Variants in TMEM79 observed in about 807,000 individuals in gnomAD.
TMEM79 encodes transmembrane protein 79.
In TMEM79, 30 loss-of-function variants were observed where a neutral mutation model predicts 31.2. That is an observed-to-expected ratio of 0.96 (90% CI 0.72 to 1.30). TMEM79 has a LOEUF of 1.30. Ranked by LOEUF, TMEM79 falls within the 50% of genes most tolerant of loss-of-function variation. TMEM79 has a pLI of 0.00. For synonymous variants in TMEM79, 213 were observed against 229.5 expected, an observed-to-expected ratio of 0.93 and a Z score of 0.65; for missense variants, 509 against 528.2, an observed-to-expected ratio of 0.96 and a Z score of 0.36.
At position 156,291,503 on chromosome 1, in the gene TMEM79, G is replaced by C. The variant is rs142830049; in HGVS notation, c.1090G>C (p.Glu364Gln). 17 of 1,612,244 alleles carry C rather than the reference G, an allele frequency of 1.1e-5. No homozygotes were observed. The East Asian group carries it at 2.2e-4, about 21-fold the overall frequency. The change falls in exon 4 of 4, where the codon GAG (glutamate) becomes CAG (glutamine). Residue 364 changes from glutamate to glutamine, a missense_variant. Glu to Gln is a conservative substitution (Grantham distance 29). Coordinates refer to ENST00000405535, the MANE Select transcript of TMEM79 (RefSeq NM_032323.3). ...GAACCTCTACTACATGTTCGTGGTGGAGCCGGAGCGCATGCTCACTGCCAC... is the reference window on the plus strand; with the variant it reads ...GAACCTCTACTACATGTTCGTGGTGCAGCCGGAGCGCATGCTCACTGCCAC... ...MWNLYYMFVV[E>Q]PERMLTATES...
In TMEM79 at chr1:156,286,489, G is replaced by A. The variant is rs769527529; in HGVS notation, c.971+16G>A. On this transcript the variant is annotated intron_variant, in intron 3 of 3. Transcript: ENST00000405535. Reference sequence around the variant, plus strand: ...CCGTCTCCCGGTAAGTTGGGGCAGAGGGTGGGGCATGGGAGAGGGGATGGT... The same window carrying A: ...CCGTCTCCCGGTAAGTTGGGGCAGAAGGTGGGGCATGGGAGAGGGGATGGT... 6.2e-7 allele frequency: 1 copy of A among 1,613,204 alleles called. No individual in the cohort carries two copies. Among genetic ancestry groups the A allele is most frequent in the Non-Finnish European group, 8.5e-7 (1 of 1,179,222 alleles).
In TMEM79 at chr1:156,291,668, C is replaced by A; in HGVS notation, c.*70C>A. On this transcript the variant is annotated 3_prime_UTR_variant, in exon 4 of 4. Coordinates refer to ENST00000405535, the MANE Select transcript of TMEM79 (RefSeq NM_032323.3). ...CTGACACATCTTTGAACCTTGTGGC[C>A]AGGCCTGGACTTCGCCCCCAGGCCT... The A allele has an allele frequency of 1.4e-6, 2 of 1,475,156 alleles. No individual in the cohort carries two copies. The highest frequency in any genetic ancestry group is 2.3e-5 in the East Asian group (1 of 43,742). The allele number at this position is 1,475,156 out of a possible 1,614,324, so 91.4% of individuals were successfully genotyped here. A position where few individuals can be genotyped will look rare whatever the true frequency, so the allele number is the denominator to read the frequency against.
intron 3 of TMEM79, chr1:156,290,994 G>A (rs1663307113): frequency 4.6e-6 from 1 of 216,586 alleles, no homozygotes; most frequent in African/African-American, 2.3e-5. Context: ...AGTTTGTACA[G>A]CCAGGTGTGG....
rs980681686 is a variant in TMEM79 at position 156,285,184 on chromosome 1, G to C, written c.-43G>C. The C allele has an allele frequency of 6.6e-7, 1 of 1,512,882 alleles. No homozygotes were observed. Among genetic ancestry groups the C allele is most frequent in the African/African-American group, 1.4e-5 (1 of 71,570 alleles). The allele number at this position is 1,512,882 out of a possible 1,614,324, so 93.7% of individuals were successfully genotyped here. On this transcript the variant is annotated splice_region_variant and 5_prime_UTR_variant, in exon 2 of 4. Coordinates refer to ENST00000405535, the MANE Select transcript of TMEM79 (RefSeq NM_032323.3). ...CAGAGCTTTCCTCTGTTCCCTGCAGGATGACATGACCTTGTGGTAGATCCC... is the reference window on the plus strand; with the variant it reads ...CAGAGCTTTCCTCTGTTCCCTGCAGCATGACATGACCTTGTGGTAGATCCC...
At chr1:156,289,244 GC>G (rs1428398406) in intron 3 of TMEM79, among the ~76,000 whole-genome samples, 1 of 152,202 alleles carries the variant, frequency 6.6e-6, no homozygotes, top group Non-Finnish European at 1.5e-5. Context: ...GGAGGCCAAG[GC>G]AGGTGGATCA....
chr1:156,283,202 TCCC>T (rs1553296792), upstream of TMEM79: 1 of 202,666 alleles, frequency 4.9e-6, no homozygotes, highest in Non-Finnish European at 9.8e-6. Context: ...CTTTCCCTTT[TCCC>T]CCATAATTTA....
chr1:156,285,058 C>G (rs890981999), intron 1 of TMEM79, 126 bp from the exon 2 acceptor site: 2 of 671,156 alleles, frequency 3.0e-6, no homozygotes, highest in African/African-American at 3.7e-5. Flanking sequence ...ACCACGTTCT[C>G]CCTAAGGCTC....
chr1:156,286,027 G>A (rs1425518394), intron 2 of TMEM79, 44 bp downstream of exon 2: 1 of 1,570,354 alleles, frequency 6.4e-7, no homozygotes, highest in Non-Finnish European at 8.6e-7. Flanking sequence ...GTGGACTTGA[G>A]GAGGGCAGGG....
chr1:156,286,280 A>G lies in TMEM79; in HGVS notation c.778A>G (p.Ser260Gly), dbSNP rs1265028570. The G allele has an allele frequency of 6.2e-7, 1 of 1,614,150 alleles. No homozygotes were observed. The highest frequency in any genetic ancestry group is 2.2e-5 in the East Asian group (1 of 44,880). The change falls in exon 3 of 4, where the codon AGC becomes GGC. Residue 260 changes from serine to glycine, a missense_variant. Coordinates refer to ENST00000405535, the MANE Select transcript of TMEM79 (RefSeq NM_032323.3). The part of the protein sequence containing the change: ...IVLGILVYGL[S>G]LLCFSALRPF... ...CCCAGGGATCCTGGTGTACGGGCTGAGCCTGTTATGCTTTTCTGCCCTTCG... is the reference window on the plus strand; with the variant it reads ...CCCAGGGATCCTGGTGTACGGGCTGGGCCTGTTATGCTTTTCTGCCCTTCG...
chr1:156,291,729 A>G lies in TMEM79; in HGVS notation c.*131A>G. On this transcript the variant is annotated 3_prime_UTR_variant, in exon 4 of 4. Transcript: ENST00000405535. Reference sequence around the variant, plus strand: ...TGGGTGGAACCCTGCTACTGCCCCAACAGGGACTCCAATCAATCGGAGTTC... The same window carrying G: ...TGGGTGGAACCCTGCTACTGCCCCAGCAGGGACTCCAATCAATCGGAGTTC... 1.3e-6 allele frequency: 1 copy of G among 751,824 alleles called. No individual in the cohort carries two copies. 46.6% of individuals were successfully genotyped at this position (751,824 alleles called of 1,614,324 possible).
chr1:156,290,225 T>C (rs1447386477), intron 3 of TMEM79: 2 of 152,336 alleles, frequency 1.3e-5, no homozygotes, highest in South Asian at 2.1e-4. Context: ...AATAACTTTT[T>C]GCTCATATAT....
Position 156,285,651 on chromosome 1 carries a change from A to C in TMEM79, c.425A>C (p.Gln142Pro), listed in dbSNP as rs766586194. The C allele has an allele frequency of 1.2e-6, 2 of 1,613,842 alleles. No homozygotes were observed. Among genetic ancestry groups the C allele is most frequent in the East Asian group, 4.5e-5 (2 of 44,892 alleles). Reference sequence around the variant, plus strand: ...CTACAGTGCATTGAGCGGCAGCCCCAAGAAGACCTTATCGTGCGCTGTGAG... The same window carrying C: ...CTACAGTGCATTGAGCGGCAGCCCCCAGAAGACCTTATCGTGCGCTGTGAG... ...IDLQCIERQP[Q>P]EDLIVRCEAG... is the part of the protein sequence containing the mutation. The change falls in exon 2 of 4, where the codon CAA becomes CCA. Residue 142 changes from glutamine to proline, a missense_variant. By Grantham distance (76) the Gln-to-Pro change is moderately conservative. Transcript: ENST00000405535.
rs1572611175 is a variant in TMEM79 at position 156,291,322 on chromosome 1, C to T, written c.972-63C>T. 2.9e-5 allele frequency: 43 copies of T among 1,488,504 alleles called. No homozygotes were observed. In the East Asian group the frequency reaches 9.8e-4, roughly 34 times the overall value. The allele number at this position is 1,488,504 out of a possible 1,614,324, so 92.2% of individuals were successfully genotyped here. A position where few individuals can be genotyped will look rare whatever the true frequency, so the allele number is the denominator to read the frequency against. On this transcript the variant is annotated intron_variant, in intron 3 of 3. Transcript: ENST00000405535. ...CCTATCTACTCCCCCCACCGTCAGC[C>T]TATTGCCAATCAGCTGACGCGCTTC...
At position 156,291,474 on chromosome 1, in the gene TMEM79, T is replaced by C. The variant is rs202080325; in HGVS notation, c.1061T>C (p.Met354Thr). 2.5e-6 allele frequency: 4 copies of C among 1,613,546 alleles called. No individual in the cohort carries two copies. The highest frequency in any genetic ancestry group is 3.4e-6 in the Non-Finnish European group (4 of 1,180,038). Residue 354 changes from methionine (M) to threonine (T), a missense_variant, in exon 4 of 4, where the codon ATG (methionine) becomes ACG (threonine). Coordinates refer to ENST00000405535, the MANE Select transcript of TMEM79 (RefSeq NM_032323.3). ...LTFLPLLSMLMWNLYYMFVVE... is the reference protein window; with the variant it reads ...LTFLPLLSMLTWNLYYMFVVE... The stretch of plus-strand genomic sequence containing the variant: ...TTTCTGCCACTGCTGTCGATGCTGA[T>C]GTGGAACCTCTACTACATGTTCGTG...
rs577939242 is a variant in TMEM79 at position 156,291,963 on chromosome 1, C to G, written c.*365C>G. 2.1e-3 allele frequency: 1,043 copies of G among 491,284 alleles called. 2 individuals are homozygous for G. Among genetic ancestry groups the G allele is most frequent in the Non-Finnish European group, 3.1e-3 (851 of 274,924 alleles). The allele number at this position is 491,284 out of a possible 1,614,324, so 30.4% of individuals were successfully genotyped here. A position where few individuals can be genotyped will look rare whatever the true frequency, so the allele number is the denominator to read the frequency against. On this transcript the variant is annotated 3_prime_UTR_variant, in exon 4 of 4. Transcript: ENST00000405535. ...CCTAATGCTGGTCTCTGCTCCACTCCCCGGCTTCCCGTGAGGCAGGAGGCA... is the reference window on the plus strand; with the variant it reads ...CCTAATGCTGGTCTCTGCTCCACTCGCCGGCTTCCCGTGAGGCAGGAGGCA...
chr1:156,284,949 C>T (rs771807950), intron 1 of TMEM79, among the ~76,000 whole-genome samples: 1 of 152,240 alleles, frequency 6.6e-6, no homozygotes, highest in South Asian at 2.1e-4. Context: ...TCCCTTGACT[C>T]ACCCTCTCCT....
At chr1:156,287,663 G>GGA (rs1048870756) in intron 3 of TMEM79, among the ~76,000 whole-genome samples, 1 of 142,716 alleles carries the variant, frequency 7.0e-6, no homozygotes, top group Admixed American at 7.2e-5. Context: ...TGCCCAGGCT[G>GGA]GAGAGTACAA....
upstream of TMEM79, among the ~76,000 whole-genome samples, chr1:156,283,484 G>T (rs922323391): frequency 6.6e-6 from 1 of 152,056 alleles, no homozygotes; most frequent in Admixed American, 6.6e-5. Flanking sequence ...TAGGGATAAG[G>T]ACTCATAGAA....
chr1:156,285,340 G>C lies in TMEM79; in HGVS notation c.114G>C (p.Gly38=), dbSNP rs1200605778. Residue 38 remains glycine, a synonymous_variant, in exon 2 of 4, where the codon GGG becomes GGC. Transcript: ENST00000405535. ...GCCGGCAGCCAGAAGGGGAAGGTGG[G>C]GCCGAATCCCCGGGAGCTGAGTCCC... ...PNGRQPEGEG[G]AESPGAESLR... 2 of 1,572,150 alleles carry C rather than the reference G, an allele frequency of 1.3e-6. No individual in the cohort carries two copies. The highest frequency in any genetic ancestry group is 1.4e-5 in the African/African-American group (1 of 73,646).
Sources: allele counts gnomAD v4.1 joint callset (sites outside exome capture counted in the v4.1 genomes callset), GRCh38; gene constraint gnomAD v4.1.1; transcripts MANE v1.5; gene names NCBI Gene and HGNC (gene_info 2026-07-23, HGNC 2026-07-21).